Variants in DGKZ observed in about 807,000 individuals in gnomAD.
The protein encoded by DGKZ is DAG kinase zeta.
A neutral mutation model predicts 142.5 loss-of-function variants in DGKZ; 45 were observed. That is an observed-to-expected ratio of 0.32 (90% CI 0.25 to 0.40). The LOEUF (loss-of-function observed/expected upper bound fraction) is 0.40, where lower values mean the gene tolerates loss of function less well. DGKZ is among the 10% of genes least tolerant of loss of function. DGKZ has a pLI of 1.00. For missense variants in DGKZ, 755 were observed against 1,306.5 expected, an observed-to-expected ratio of 0.58 and a Z score of 6.51; for synonymous variants, 442 against 527.0, an observed-to-expected ratio of 0.84 and a Z score of 2.21.
chr11:46,344,645 G>C (rs1297795072), upstream of DGKZ, among the ~76,000 whole-genome samples: 1 of 151,974 alleles, frequency 6.6e-6, no homozygotes, highest in Non-Finnish European at 1.5e-5. Flanking sequence ...GTAGAAATGG[G>C]GTTTCACCAT....
chr11:46,355,251 G>T (rs953619938), intron 1 of DGKZ, among the ~76,000 whole-genome samples: 3 of 152,112 alleles, frequency 2.0e-5, no homozygotes, highest in Non-Finnish European at 2.9e-5. Context: ...TGGGACTACA[G>T]GCGCCCGCCA....
chr11:46,363,111 GGT>G (rs1942852779), intron 1 of DGKZ, among the ~76,000 whole-genome samples: 2 of 152,222 alleles, frequency 1.3e-5, no homozygotes, highest in South Asian at 4.1e-4. Flanking sequence ...AAGAGCACGA[GGT>G]GAGAAGACAC....
rs1271667964 is a variant in DGKZ at position 46,366,305 on chromosome 11, G to A, written c.162-986G>A. ...TTTCCGGGGGAAGGTGCCAGGCCCT[G>A]GAGAGGGGCAGCAGCGGCCCAGCAG... On this transcript the variant is annotated intron_variant, in intron 1 of 30. Coordinates refer to ENST00000527911, the Ensembl canonical transcript of DGKZ. 6.3e-7 allele frequency: 1 copy of A among 1,582,798 alleles called. No individual in the cohort carries two copies. Among genetic ancestry groups the A allele is most frequent in the Admixed American group, 1.7e-5 (1 of 57,220 alleles).
Position 46,368,089 on chromosome 11 carries a change from T to G in DGKZ, c.444+10T>G, listed in dbSNP as rs1565052078. On this transcript the variant is annotated intron_variant, in intron 4 of 30. Coordinates refer to ENST00000527911, the Ensembl canonical transcript of DGKZ. ...CGAGCAGCTGGAGAAGGTGGGTGGGTAGCTCAGCTTTGCCCGCCCCTGCCC... is the reference window on the plus strand; with the variant it reads ...CGAGCAGCTGGAGAAGGTGGGTGGGGAGCTCAGCTTTGCCCGCCCCTGCCC... 6.2e-7 allele frequency: 1 copy of G among 1,613,812 alleles called. No individual in the cohort carries two copies. The highest frequency in any genetic ancestry group is 8.5e-7 in the Non-Finnish European group (1 of 1,179,904).
upstream of DGKZ, among the ~76,000 whole-genome samples, chr11:46,343,323 T>G (rs1268327843): frequency 2.0e-5 from 3 of 152,152 alleles, no homozygotes; most frequent in Non-Finnish European, 4.4e-5. Context: ...AAACAAATAT[T>G]TACTGAAAAA....
intron 23 of DGKZ, 24 bp downstream of exon 23, chr11:46,376,421 A>T (rs754388288): frequency 1.2e-6 from 2 of 1,614,054 alleles, no homozygotes; most frequent in Non-Finnish European, 1.7e-6. Flanking sequence ...CAGGGTGCCA[A>T]GCTGTTTCGT....
intron 1 of DGKZ, among the ~76,000 whole-genome samples, chr11:46,360,488 CAAA>C (rs35812065): frequency 1.2e-4 from 12 of 96,082 alleles, no homozygotes; most frequent in Admixed American, 2.4e-4. Context: ...CTTTCCTCAT[CAAA>C]AAAAAAAAAA....
rs1366923077 is a variant in DGKZ at position 46,372,797 on chromosome 11, C to T, written c.1098C>T (p.Asp366=). Residue 366 remains aspartate (D), a synonymous_variant, in exon 13 of 31, where the codon GAC becomes GAT. Transcript: ENST00000527911. The surrounding 1 kb of genome is among the most constrained non-coding windows in gnomAD (Gnocchi z 5.9). ...TGGGCTGGATCCTCTCCACCCTGGA[C>T]CAGCTACGCCTGAAGCCGCCACCCC... 1 of 1,604,818 alleles carries T rather than the reference C, an allele frequency of 6.2e-7. No homozygotes were observed. The highest frequency in any genetic ancestry group is 1.3e-5 in the African/African-American group (1 of 74,642).
Position 46,367,710 on chromosome 11 carries a change from G to T in DGKZ, c.329G>T (p.Cys110Phe). 6.2e-7 allele frequency: 1 copy of T among 1,612,490 alleles called. No individual in the cohort carries two copies. The highest frequency in any genetic ancestry group is 1.1e-5 in the South Asian group (1 of 91,052). Residue 110 changes from cysteine to phenylalanine, a missense_variant, in exon 3 of 31, where the codon TGC becomes TTC. Cys to Phe is a radical substitution (Grantham distance 205). This residue lies in a region of DGKZ where 81 missense variants were observed against 86.5 expected (regional missense o/e 0.94). Transcript: ENST00000527911. This position sits in a 1 kb window ranked among gnomAD's most constrained non-coding sequence, Gnocchi z 4.1. The stretch of plus-strand genomic sequence containing the variant: ...GAGACCAACGTGTCCGGGGACTTCT[G>T]CTACGTTGGGGAGCAGTACTGTGTA...
intron 6 of DGKZ, 96 bp from the exon 7 acceptor site, chr11:46,371,217 C>G: frequency 8.3e-7 from 1 of 1,208,598 alleles, no homozygotes; most frequent in South Asian, 1.3e-5. Flanking sequence ...CATAGCGAGG[C>G]CCTGTCTCTG....
chr11:46,373,284 TG>T (rs377113260), intron 14 of DGKZ, among the ~76,000 whole-genome samples, 183 bp downstream of exon 14: 6 of 147,966 alleles, frequency 4.1e-5, no homozygotes, highest in Middle Eastern at 3.4e-3. Context: ...GTTTTTTTTT[TG>T]TTTTTTTTTT....
chr11:46,371,678 C>A, intron 8 of DGKZ, 26 bp from the exon 9 acceptor site: 2 of 1,613,906 alleles, frequency 1.2e-6, no homozygotes, highest in South Asian at 2.2e-5. Context: ...CCCACCTCGT[C>A]ACCAACACCC....
chr11:46,373,090 G>A lies in DGKZ; in HGVS notation c.1315G>A (p.Ala439Thr), dbSNP rs548401471. 1.9e-5 allele frequency: 30 copies of A among 1,543,456 alleles called. No individual in the cohort carries two copies. Among genetic ancestry groups the A allele is most frequent in the East Asian group, 4.9e-5 (2 of 40,842 alleles). Residue 439 changes from alanine (A) to threonine (T), a missense_variant, in exon 14 of 31, where the codon GCC (alanine) becomes ACC (threonine). Ala to Thr is a moderately conservative substitution (Grantham distance 58). Transcript: ENST00000527911. ...AGGGCCTGAGGACCGAGATGAAGGC[G>A]CCACCGACCGGGTAAGTTGGCCAGG... is the stretch of plus-strand genomic sequence containing the variant.
At chr11:46,364,253 C>T (rs1943012594) in intron 1 of DGKZ, 5 of 835,494 alleles carry the variant, frequency 6.0e-6, no homozygotes, top group South Asian at 2.8e-5. Flanking sequence ...GTCACCTCTG[C>T]GTCAACTTCC....
At chr11:46,354,035 C>A (rs1440121541) in intron 1 of DGKZ, among the ~76,000 whole-genome samples, 1 of 152,226 alleles carries the variant, frequency 6.6e-6, no homozygotes, top group Non-Finnish European at 1.5e-5. Flanking sequence ...CACGGACACC[C>A]CACTGACACA....
chr11:46,379,003 C>T, exon 28 of DGKZ: 1 of 1,569,522 alleles, frequency 6.4e-7, no homozygotes, highest in Non-Finnish European at 8.6e-7. Flanking sequence ...CCAGGAGCTG[C>T]ACCGAGCTGG....
upstream of DGKZ, chr11:46,345,404 G>A: frequency 2.1e-6 from 3 of 1,429,816 alleles, no homozygotes; most frequent in Non-Finnish European, 2.7e-6. The surrounding 1 kb of genome is among the most constrained non-coding windows in gnomAD (Gnocchi z 4.1). Flanking sequence ...AGAGTCGCCG[G>A]GCAGGATGAG....
intron 1 of DGKZ, among the ~76,000 whole-genome samples, chr11:46,336,647 T>C (rs1940030782): frequency 6.6e-6 from 1 of 152,184 alleles, no homozygotes; most frequent in Non-Finnish European, 1.5e-5. Context: ...ATCATGATCA[T>C]GGCTCACTGC....
chr11:46,361,552 G>A lies in DGKZ; in HGVS notation c.162-5739G>A, dbSNP rs995983276. On this transcript the variant is annotated intron_variant, in intron 1 of 30. Coordinates refer to ENST00000527911, the Ensembl canonical transcript of DGKZ. ...CATAACGGCTGTCTCAGGCTGCAGG[G>A]AGGAGGGTGACAAGGGGGAGGGGGC... 9.6e-6 allele frequency: 8 copies of A among 830,428 alleles called. No individual in the cohort carries two copies. In the African/African-American group the frequency reaches 1.3e-4, roughly 13 times the overall value. The allele number at this position is 830,428 out of a possible 1,614,324, so 51.4% of individuals were successfully genotyped here. A position where few individuals can be genotyped will look rare whatever the true frequency, so the allele number is the denominator to read the frequency against.
Sources: allele counts gnomAD v4.1 joint callset (sites outside exome capture counted in the v4.1 genomes callset), GRCh38; gene constraint gnomAD v4.1.1; regional missense constraint gnomAD v4.1.1; non-coding constraint Gnocchi (gnomAD v3.1); transcripts MANE v1.5; gene names NCBI Gene and HGNC (gene_info 2026-07-23, HGNC 2026-07-21).